The following ROBO1 variants were observed in gnomAD, a reference collection of about 807,000 sequenced individuals.
ROBO1 encodes the protein roundabout homolog 1.
Under a neutral mutation model 195.9 loss-of-function variants are expected in ROBO1, and 149 were observed. That is an observed-to-expected ratio of 0.76 (90% confidence interval 0.67 to 0.87). The LOEUF (loss-of-function observed/expected upper bound fraction) is 0.87, where lower values mean the gene tolerates loss of function less well. ROBO1 is among the 40% of genes least tolerant of loss of function. The probability of loss-of-function intolerance (pLI) is 0.00; values close to 1 mark genes in which losing one functional copy is unlikely to be tolerated. For synonymous variants in ROBO1, 816 were observed against 733.2 expected, an observed-to-expected ratio of 1.11 and a Z score of -1.82; for missense variants, 1,933 against 2,068.3, an observed-to-expected ratio of 0.93 and a Z score of 1.27.
At chr3:79,090,028 C>T (rs1377886128) in intron 3 of ROBO1, among the ~76,000 whole-genome samples, 2 of 151,758 alleles carry the variant, frequency 1.3e-5, no homozygotes, top group Non-Finnish European at 2.9e-5. Context: ...CAACCTCCAT[C>T]TCCCAGGTTC....
intron 4 of ROBO1, among the ~76,000 whole-genome samples, chr3:78,841,707 GA>G (rs1185443879): frequency 7.9e-5 from 12 of 152,102 alleles, no homozygotes; most frequent in Middle Eastern, 3.4e-3. Context: ...AGATAAATGA[GA>G]AACAGAAAAT....
At chr3:79,350,366 T>C (rs893074062) in intron 2 of ROBO1, among the ~76,000 whole-genome samples, 16 of 152,186 alleles carry the variant, frequency 1.1e-4, no homozygotes, top group African/African-American at 3.9e-4. Flanking sequence ...TATGTTACGG[T>C]GACTTTGAAA....
In ROBO1 at chr3:79,018,657, G is replaced by A. The variant is rs558118393; in HGVS notation, c.173-79730C>T. 32 of 1,404,558 alleles carry A rather than the reference G, an allele frequency of 2.3e-5. No individual in the cohort carries two copies. The East Asian group carries it at 5.5e-4, about 24-fold the overall frequency. 87.0% of individuals were successfully genotyped at this position (1,404,558 alleles called of 1,614,324 possible). A position where few individuals can be genotyped will look rare whatever the true frequency, so the allele number is the denominator to read the frequency against. On this transcript the variant is annotated intron_variant, in intron 3 of 30. Coordinates refer to ENST00000464233, the MANE Select transcript of ROBO1 (RefSeq NM_002941.4). ...CAGTATCTCAGAGACTTTTGCAGAG[G>A]AAGAATTCCAAGGTTTGTCTTCTCC...
intron 3 of ROBO1, among the ~76,000 whole-genome samples, chr3:78,944,868 C>T (rs950861557): frequency 1.3e-5 from 2 of 152,178 alleles, no homozygotes; most frequent in Middle Eastern, 3.2e-3. Context: ...AGATTATATC[C>T]CGCACGTGGC....
At chr3:78,599,708 C>T (rs560434149) in intron 30 of ROBO1, among the ~76,000 whole-genome samples, 22 of 152,280 alleles carry the variant, frequency 1.4e-4, no homozygotes, top group Non-Finnish European at 2.4e-4. Flanking sequence ...AAACCAGCCA[C>T]ATTACCCTGG....
chr3:78,742,704 T>A (rs1056055383), intron 5 of ROBO1, among the ~76,000 whole-genome samples: 1 of 152,174 alleles, frequency 6.6e-6, no homozygotes, highest in Admixed American at 6.5e-5. Flanking sequence ...CCATCATGGA[T>A]CATCATTTTG....
intron 14 of ROBO1, among the ~76,000 whole-genome samples, chr3:78,662,559 T>C (rs1044778066): frequency 1.3e-5 from 2 of 152,126 alleles, no homozygotes; most frequent in Non-Finnish European, 2.9e-5. Context: ...AAAGGAGATA[T>C]GGTTAGTGAA....
At chr3:78,828,312 G>A (rs6768253) in intron 4 of ROBO1, among the ~76,000 whole-genome samples, 1,785 of 152,182 alleles carry the variant, frequency 0.012, 38 homozygotes, top group African/African-American at 0.041. Context: ...TTGTCTAAAG[G>A]CCAATTTTCT....
intron 2 of ROBO1, among the ~76,000 whole-genome samples, chr3:79,552,764 C>T (rs1168747491): frequency 6.6e-6 from 1 of 152,026 alleles, no homozygotes; most frequent in African/African-American, 2.4e-5. Context: ...GGCTTCAGTT[C>T]CTGCCTGGAA....
At chr3:79,277,514 T>C (rs371690393) in intron 2 of ROBO1, among the ~76,000 whole-genome samples, 2 of 152,022 alleles carry the variant, frequency 1.3e-5, no homozygotes, top group Admixed American at 6.6e-5. Flanking sequence ...GGATGGTTAA[T>C]GGGTACAAAA....
chr3:79,651,275 A>G (rs1216031648), intron 1 of ROBO1, among the ~76,000 whole-genome samples: 1 of 152,104 alleles, frequency 6.6e-6, no homozygotes, highest in East Asian at 1.9e-4. Context: ...ATGATTTATT[A>G]TTTCAAAAAT....
At chr3:78,756,744 C>T (rs1449584188) in intron 4 of ROBO1, among the ~76,000 whole-genome samples, 1 of 152,126 alleles carries the variant, frequency 6.6e-6, no homozygotes, top group African/African-American at 2.4e-5. Flanking sequence ...AAAGGAGATA[C>T]TATTTTACTT....
At chr3:79,652,840 A>G (rs1424021014) in intron 1 of ROBO1, among the ~76,000 whole-genome samples, 1 of 152,064 alleles carries the variant, frequency 6.6e-6, no homozygotes, top group African/African-American at 2.4e-5. Flanking sequence ...TCTGTTTTCT[A>G]AATTAGAAAT....
At chr3:79,009,644 C>T (rs6548606) in intron 3 of ROBO1, among the ~76,000 whole-genome samples, 149,988 of 152,342 alleles carry the variant, frequency 0.98, 73,842 homozygotes, top group East Asian at 1. Context: ...CACAGACTTA[C>T]ACAGGTTTCA....
chr3:78,668,193 C>A lies in ROBO1; in HGVS notation c.1740G>T (p.Ser580=). ...TDVSRNTVTL[S]WQPNLNSGAT... ...CTCCTGAATTCAAATTTGGTTGCCACGATAATGTGACTGTATTTCTGCTGA... is the reference window on the plus strand; with the variant it reads ...CTCCTGAATTCAAATTTGGTTGCCAAGATAATGTGACTGTATTTCTGCTGA... Residue 580 remains serine (S), a synonymous_variant, in exon 13 of 31, where the codon TCG becomes TCT. Transcript: ENST00000464233. 6.2e-7 allele frequency: 1 copy of A among 1,613,450 alleles called. No homozygotes were observed. The highest frequency in any genetic ancestry group is 8.5e-7 in the Non-Finnish European group (1 of 1,179,730).
chr3:79,303,557 G>A (rs2033079398), intron 2 of ROBO1, among the ~76,000 whole-genome samples: 2 of 152,058 alleles, frequency 1.3e-5, no homozygotes, highest in Admixed American at 6.5e-5. Context: ...TAGTCACCAT[G>A]TTGTAGAATA....
At chr3:79,744,937 T>G (rs1703807501) in intron 1 of ROBO1, among the ~76,000 whole-genome samples, 1 of 152,024 alleles carries the variant, frequency 6.6e-6, no homozygotes, top group Admixed American at 6.6e-5. Flanking sequence ...AACATATATA[T>G]ATTCTAAAAG....
chr3:79,332,139 T>A (rs931715568), intron 2 of ROBO1, among the ~76,000 whole-genome samples: 1 of 119,300 alleles, frequency 8.4e-6, no homozygotes. Flanking sequence ...CAAGACTCCG[T>A]CTCAAAAAAA....
chr3:79,378,543 A>G lies in ROBO1; in HGVS notation c.88+211281T>C, dbSNP rs139999792. On this transcript the variant is annotated intron_variant, in intron 2 of 30. Transcript: ENST00000464233. The stretch of plus-strand genomic sequence containing the variant: ...TAGATAAACTATTTGTATTTTGGCA[A>G]GAGTTTATTAAATTTTACTCTCAAA... Among the ~76,000 whole-genome samples, 758 of 152,322 alleles carry G rather than the reference A, an allele frequency of 5.0e-3. 6 individuals carry two copies. The highest frequency in any genetic ancestry group is 0.017 in the African/African-American group (724 of 41,564).
Sources: allele counts gnomAD v4.1 joint callset (sites outside exome capture counted in the v4.1 genomes callset), GRCh38; gene constraint gnomAD v4.1.1; transcripts MANE v1.5; gene names NCBI Gene and HGNC (gene_info 2026-07-23, HGNC 2026-07-21).